Variants in ZMAT5 observed in about 807,000 individuals in gnomAD.
ZMAT5 encodes zinc finger matrin-type protein 5.
A neutral mutation model predicts 28.0 loss-of-function variants in ZMAT5; 23 were observed. That is an observed-to-expected ratio of 0.82 (90% CI 0.59 to 1.16). The LOEUF is 1.16. Among genes scored for constraint, ZMAT5 ranks in the 50% most tolerant of loss-of-function variants. The pLI, the probability that ZMAT5 is intolerant of heterozygous loss-of-function variation, is 0.00. For synonymous variants in ZMAT5, 76 were observed against 84.1 expected (o/e 0.90, Z 0.52); for missense variants, 173 against 212.7 (o/e 0.81, Z 1.16).
At chr22:29,741,103 C>G (rs1478467006) in intron 3 of ZMAT5, among the ~76,000 whole-genome samples, 1 of 152,222 alleles carries the variant, frequency 6.6e-6, no homozygotes, top group Non-Finnish European at 1.5e-5. Flanking sequence ...CCTTTCTCCA[C>G]TCCAAGCCGC....
chr22:29,753,777 A>G (rs900655841), intron 1 of ZMAT5, among the ~76,000 whole-genome samples: 1 of 152,132 alleles, frequency 6.6e-6, no homozygotes, highest in Non-Finnish European at 1.5e-5. Flanking sequence ...GGGGGCACAC[A>G]TTCTACCTAC....
chr22:29,760,145 G>A (rs1289182522), intron 1 of ZMAT5, among the ~76,000 whole-genome samples: 2 of 151,572 alleles, frequency 1.3e-5, no homozygotes, highest in South Asian at 2.1e-4. Flanking sequence ...AGGTTGCAGC[G>A]AGCCGAGATT....
Position 29,748,583 on chromosome 22 carries a change from CAA to C in ZMAT5, c.-27-14_-27-13del, listed in dbSNP as rs2068030527. On this transcript the variant is annotated splice_polypyrimidine_tract_variant and intron_variant, in intron 1 of 5. Transcript: ENST00000344318. ...AGGTGCTTTGCTGCCTGGGAAGCCA[CAA>C]AGAGCTCAGATTAGACCATTGGAGA... 6.2e-7 allele frequency: 1 copy of C among 1,612,958 alleles called. No individual in the cohort carries two copies. Among genetic ancestry groups the C allele is most frequent in the African/African-American group, 1.3e-5 (1 of 74,902 alleles).
At chr22:29,734,933 C>T (rs1231450049) in intron 5 of ZMAT5, among the ~76,000 whole-genome samples, 4 of 152,098 alleles carry the variant, frequency 2.6e-5, no homozygotes, top group African/African-American at 9.7e-5. Flanking sequence ...TGTGGAGGAT[C>T]CCCCGCGGGA....
At chr22:29,735,258 C>T (rs1209280272) in intron 5 of ZMAT5, among the ~76,000 whole-genome samples, 1 of 152,192 alleles carries the variant, frequency 6.6e-6, no homozygotes, top group Non-Finnish European at 1.5e-5. Context: ...CGGTCACCTC[C>T]CTTCCCACAG....
At chr22:29,751,057 C>T (rs1200012567) in intron 1 of ZMAT5, among the ~76,000 whole-genome samples, 2 of 152,168 alleles carry the variant, frequency 1.3e-5, no homozygotes, top group African/African-American at 4.8e-5. Flanking sequence ...TGTCAATAAA[C>T]TTATAGGAAT....
In ZMAT5 at chr22:29,761,364, C is replaced by G. The variant is rs564105329; in HGVS notation, c.-28+5508G>C. Among the ~76,000 whole-genome samples the G allele has an allele frequency of 1.3e-3, 199 of 151,668 alleles. 1 individual carries two copies. Among genetic ancestry groups the G allele is most frequent in the African/African-American group, 4.8e-3 (197 of 41,348 alleles). Reference sequence around the variant, plus strand: ...TTGGGAGGCAGGAGGATCACTTGAGCCCAGGAGTTCAAAACCAGCCTGGGC... The same window carrying G: ...TTGGGAGGCAGGAGGATCACTTGAGGCCAGGAGTTCAAAACCAGCCTGGGC... On this transcript the variant is annotated intron_variant, in intron 1 of 5. Transcript: ENST00000344318.
At chr22:29,760,723 T>C (rs1051498471) in intron 1 of ZMAT5, among the ~76,000 whole-genome samples, 1 of 152,152 alleles carries the variant, frequency 6.6e-6, no homozygotes, top group Non-Finnish European at 1.5e-5. Flanking sequence ...TTATTCTGGG[T>C]AGACACAGCC....
chr22:29,748,653 A>G, intron 1 of ZMAT5, 82 bp from the exon 2 acceptor site: 2 of 1,538,690 alleles, frequency 1.3e-6, no homozygotes, highest in East Asian at 4.6e-5. Flanking sequence ...CCTGAGGGCC[A>G]GGCCTGAGCC....
At chr22:29,762,505 G>T (rs1385290459) in intron 1 of ZMAT5, among the ~76,000 whole-genome samples, 1 of 152,134 alleles carries the variant, frequency 6.6e-6, no homozygotes, top group Admixed American at 6.6e-5. Flanking sequence ...CAGATCATCG[G>T]CAGCATTAGA....
At chr22:29,734,513 C>A (rs1295854347) in intron 5 of ZMAT5, among the ~76,000 whole-genome samples, 10 of 152,250 alleles carry the variant, frequency 6.6e-5, no homozygotes, top group African/African-American at 2.4e-4. Context: ...AACGCCCGAA[C>A]AGCAGCCTAA....
intron 1 of ZMAT5, among the ~76,000 whole-genome samples, chr22:29,753,699 A>G (rs1017880835): frequency 6.6e-6 from 1 of 152,096 alleles, no homozygotes; most frequent in African/African-American, 2.4e-5. Context: ...AAAAAAAGCA[A>G]AAACAACAAC....
chr22:29,755,368 G>GGGAGGGAGGGAGGGAGA (rs1569340083), intron 1 of ZMAT5, among the ~76,000 whole-genome samples: 13 of 59,298 alleles, frequency 2.2e-4, no homozygotes, highest in East Asian at 4.3e-4. Flanking sequence ...GGAGGGAGGG[G>GGGAGGGAGGGAGGGAGA]GAGAGAGAGA....
intron 1 of ZMAT5, among the ~76,000 whole-genome samples, chr22:29,765,896 A>C (rs2068205875): frequency 6.6e-6 from 1 of 152,128 alleles, no homozygotes; most frequent in African/African-American, 2.4e-5. Context: ...CTTCCCTCAA[A>C]TGATCTACTA....
At chr22:29,735,325 C>T (rs2067894343) in intron 5 of ZMAT5, among the ~76,000 whole-genome samples, 1 of 152,200 alleles carries the variant, frequency 6.6e-6, no homozygotes, top group Non-Finnish European at 1.5e-5. Context: ...TTCATTTTGG[C>T]CCCAAGCCCT....
chr22:29,734,827 C>G (rs989723847), intron 5 of ZMAT5, among the ~76,000 whole-genome samples: 2 of 151,232 alleles, frequency 1.3e-5, no homozygotes, highest in East Asian at 4.0e-4. Flanking sequence ...GAGGGTCCCC[C>G]GCCCCAGCCC....
At chr22:29,749,712 TC>T (rs1324578561) in intron 1 of ZMAT5, among the ~76,000 whole-genome samples, 2 of 152,112 alleles carry the variant, frequency 1.3e-5, no homozygotes, top group African/African-American at 4.8e-5. Flanking sequence ...TCCCCAGGTG[TC>T]CAGGGAGAGA....
intron 1 of ZMAT5, among the ~76,000 whole-genome samples, chr22:29,761,383 C>T (rs1281140092): frequency 6.6e-6 from 1 of 152,010 alleles, no homozygotes; most frequent in East Asian, 1.9e-4. Context: ...TCAAAACCAG[C>T]CTGGGCAACA....
chr22:29,765,985 C>G (rs1433020942), intron 1 of ZMAT5, among the ~76,000 whole-genome samples: 2 of 152,160 alleles, frequency 1.3e-5, no homozygotes, highest in Non-Finnish European at 2.9e-5. Context: ...AATCTTGTCG[C>G]ATTTCTCCTG....
Sources: gnomAD v4.1 joint callset for allele counts (sites outside exome capture counted in the v4.1 genomes callset) on GRCh38, gnomAD v4.1.1 for gene constraint, MANE v1.5 for transcripts, NCBI Gene and HGNC (gene_info 2026-07-23, HGNC 2026-07-21) for gene names.